Variants in NDC80 observed in about 807,000 individuals in gnomAD.
NDC80 encodes kinetochore protein NDC80 homolog.
Under a neutral mutation model 89.3 loss-of-function variants are expected in NDC80, and 69 were observed. That is an observed-to-expected ratio of 0.77 (90% CI 0.64 to 0.94). NDC80 has a LOEUF of 0.94. Ranked by LOEUF, NDC80 falls within the 40% of genes least tolerant of loss-of-function variation. The probability of loss-of-function intolerance (pLI) is 0.00; values close to 1 mark genes in which losing one functional copy is unlikely to be tolerated. For missense variants in NDC80, 593 were observed against 739.6 expected, an observed-to-expected ratio of 0.80 and a Z score of 2.30; for synonymous variants, 243 against 255.6, an observed-to-expected ratio of 0.95 and a Z score of 0.47.
intron 15 of NDC80, among the ~76,000 whole-genome samples, chr18:2,610,455 T>C (rs1010076928): frequency 2.6e-5 from 4 of 152,222 alleles, no homozygotes; most frequent in African/African-American, 9.6e-5. Context: ...AATTTTTGTC[T>C]TGCCCAGAAA....
chr18:2,607,998 T>TATATATATATATATATATATAA (rs771183596), intron 14 of NDC80, among the ~76,000 whole-genome samples: 1 of 126,914 alleles, frequency 7.9e-6, no homozygotes, highest in Non-Finnish European at 1.7e-5. Flanking sequence ...TATATATATA[T>TATATATATATATATATATATAA]AACTTATTTA....
chr18:2,605,270 A>ATGTG (rs1350615848), intron 13 of NDC80, among the ~76,000 whole-genome samples: 65 of 98,180 alleles, frequency 6.6e-4, no homozygotes, highest in Admixed American at 2.8e-3. Context: ...GGCGGGCTAT[A>ATGTG]TGTATGTGTG....
At chr18:2,607,880 C>T (rs2072720707) in intron 14 of NDC80, among the ~76,000 whole-genome samples, 2 of 145,580 alleles carry the variant, frequency 1.4e-5, no homozygotes, top group Non-Finnish European at 3.0e-5. Flanking sequence ...CTGTCTTTCT[C>T]AAGAAAAGAT....
Position 2,577,855 on chromosome 18 carries a change from C to G in NDC80, c.289C>G (p.Arg97Gly). 1.2e-6 allele frequency: 2 copies of G among 1,613,916 alleles called. No individual in the cohort carries two copies. Among genetic ancestry groups the G allele is most frequent in the Non-Finnish European group, 1.7e-6 (2 of 1,179,954 alleles). ...CAAAGCATTCATTCAGCAGTGTATT[C>G]GACAACTCTGTGAGGTACTTTAGGA... ...NDKAFIQQCI[R>G]QLCEFLTENG... Residue 97 changes from arginine to glycine, a missense_variant, in exon 4 of 17, where the codon CGA becomes GGA. Coordinates refer to ENST00000261597, the MANE Select transcript of NDC80 (RefSeq NM_006101.3).
At position 2,595,633 on chromosome 18, in the gene NDC80, C is replaced by A. The variant is rs1427816907; in HGVS notation, c.1221+12C>A. ...GAGGCAAAGAAGCGGTATGTCATAC[C>A]ATTTCCAGAGTGGCAACTCATCATA... On this transcript the variant is annotated intron_variant, in intron 11 of 16. Transcript: ENST00000261597. The A allele has an allele frequency of 1.2e-6, 2 of 1,610,142 alleles. No homozygotes were observed. The highest frequency in any genetic ancestry group is 2.2e-5 in the East Asian group (1 of 44,776).
At chr18:2,592,283 C>A (rs972041995) in intron 10 of NDC80, among the ~76,000 whole-genome samples, 2 of 151,082 alleles carry the variant, frequency 1.3e-5, no homozygotes, top group Non-Finnish European at 2.9e-5. Context: ...TTTGAACTTT[C>A]TTGATTATGT....
At position 2,589,280 on chromosome 18, in the gene NDC80, A is replaced by G; in HGVS notation, c.840A>G (p.Ala280=). ...ACAGAGCATTGAATGAACAGATTGC[A>G]AGATTGGAACAAGAAAGAGAAAAAG... ...AKNRALNEQI[A]RLEQEREKEP... Residue 280 remains alanine (A), a synonymous_variant, in exon 9 of 17, where the codon GCA becomes GCG. Transcript: ENST00000261597. 1 of 1,613,788 alleles carries G rather than the reference A, an allele frequency of 6.2e-7. No homozygotes were observed. The highest frequency in any genetic ancestry group is 1.3e-5 in the African/African-American group (1 of 75,056).
chr18:2,607,256 C>T (rs987334605), intron 14 of NDC80, among the ~76,000 whole-genome samples: 1 of 151,944 alleles, frequency 6.6e-6, no homozygotes, highest in African/African-American at 2.4e-5. Flanking sequence ...TTTCACACAT[C>T]CTCCATGACA....
At chr18:2,605,463 A>T (rs8088515) in intron 13 of NDC80, among the ~76,000 whole-genome samples, 1 of 152,066 alleles carries the variant, frequency 6.6e-6, no homozygotes, top group African/African-American at 2.4e-5. Context: ...CAACCATGAG[A>T]ATCAGTGGAA....
intron 16 of NDC80, 22 bp downstream of exon 16, chr18:2,610,883 C>T (rs768725348): frequency 7.2e-7 from 1 of 1,379,882 alleles, no homozygotes; most frequent in South Asian, 1.6e-5. Flanking sequence ...ATGGTCTTTC[C>T]TACGTTCTAA....
At position 2,610,847 on chromosome 18, in the gene NDC80, G is replaced by A. The variant is rs2072740015; in HGVS notation, c.1777G>A (p.Val593Ile). 1 of 1,568,806 alleles carries A rather than the reference G, an allele frequency of 6.4e-7. No homozygotes were observed. Among genetic ancestry groups the A allele is most frequent in the Non-Finnish European group, 8.7e-7 (1 of 1,149,172 alleles). ...TCTGTTAGAGATGGTTGCTACACAT[G>A]TTGGGTCTGTAGAGGTAAGTATGTG... ...QRLLEMVATHVGSVEKHLEEQ... is the reference protein window; with the variant it reads ...QRLLEMVATHIGSVEKHLEEQ... The change falls in exon 16 of 17, where the codon GTT becomes ATT. Residue 593 changes from valine to isoleucine, a missense_variant. Coordinates refer to ENST00000261597, the MANE Select transcript of NDC80 (RefSeq NM_006101.3).
chr18:2,574,132 A>G (rs933856593), intron 2 of NDC80, among the ~76,000 whole-genome samples: 18 of 152,194 alleles, frequency 1.2e-4, no homozygotes, highest in African/African-American at 4.3e-4. Flanking sequence ...GGAACAGACA[A>G]ACAGCACATG....
intron 10 of NDC80, chr18:2,593,925 G>GAC (rs10694932): frequency 0.79 from 167,438 of 211,608 alleles, 66,624 homozygotes; most frequent in East Asian, 0.94. Flanking sequence ...TTTATTTTCC[G>GAC]GGAGTCTCAC....
At chr18:2,580,731 A>AGTTTTTTT (rs2072572788) in intron 6 of NDC80, among the ~76,000 whole-genome samples, 1 of 55,418 alleles carries the variant, frequency 1.8e-5, no homozygotes, top group Non-Finnish European at 3.5e-5. Context: ...TCACCATCAG[A>AGTTTTTTT]TTTTTTTTTT....
chr18:2,602,279 A>C (rs2072687723), intron 13 of NDC80, among the ~76,000 whole-genome samples: 1 of 152,190 alleles, frequency 6.6e-6, no homozygotes, highest in African/African-American at 2.4e-5. Context: ...TTATGCTAGT[A>C]ACCCACAGAA....
intron 15 of NDC80, among the ~76,000 whole-genome samples, chr18:2,609,625 A>G (rs2143668547): frequency 6.6e-6 from 1 of 152,310 alleles, no homozygotes; most frequent in East Asian, 1.9e-4. Flanking sequence ...TAAATATGGG[A>G]CCCTTCATAA....
At chr18:2,578,805 T>A in intron 5 of NDC80, 122 bp from the exon 6 acceptor site, 1 of 467,206 alleles carries the variant, frequency 2.1e-6, no homozygotes, top group East Asian at 3.5e-5. Context: ...ATATCTTACC[T>A]CTAAACAAGT....
chr18:2,576,556 T>G (rs1489399301), intron 3 of NDC80, among the ~76,000 whole-genome samples: 1 of 152,124 alleles, frequency 6.6e-6, no homozygotes, highest in East Asian at 1.9e-4. Context: ...ATAAAAATAG[T>G]TTTGACTGCT....
At chr18:2,614,697 T>A (rs2072775330) in intron 16 of NDC80, among the ~76,000 whole-genome samples, 2 of 152,152 alleles carry the variant, frequency 1.3e-5, no homozygotes, top group African/African-American at 2.4e-5. Context: ...ACTCTAGGTA[T>A]ATTTGCCCTA....
Sources: allele counts gnomAD v4.1 joint callset (sites outside exome capture counted in the v4.1 genomes callset), GRCh38; gene constraint gnomAD v4.1.1; transcripts MANE v1.5; gene names NCBI Gene and HGNC (gene_info 2026-07-23, HGNC 2026-07-21).